PDS5A: variants seen among roughly 807,000 people sequenced by gnomAD.
The protein encoded by PDS5A is PDS5 cohesin associated factor A.
Under a neutral mutation model 167.1 loss-of-function variants are expected in PDS5A, and 42 were observed. The observed-to-expected ratio is 0.25, with a 90% CI of 0.20 to 0.33. The LOEUF (loss-of-function observed/expected upper bound fraction) is 0.33. PDS5A is among the 10% of genes least tolerant of loss of function. PDS5A has a pLI of 1.00. For missense variants in PDS5A, 1,033 were observed against 1,605.9 expected, an observed-to-expected ratio of 0.64 and a Z score of 6.10; for synonymous variants, 553 against 554.6, an observed-to-expected ratio of 1.00 and a Z score of 0.04.
intron 16 of PDS5A, among the ~76,000 whole-genome samples, chr4:39,895,611 G>A (rs909738649): frequency 3.3e-5 from 5 of 152,146 alleles, no homozygotes; most frequent in Admixed American, 6.5e-5. Flanking sequence ...TATAAACACT[G>A]TACACTTAGG....
intron 26 of PDS5A, among the ~76,000 whole-genome samples, chr4:39,860,629 CACAT>C (rs1456185498): frequency 5.3e-5 from 8 of 152,092 alleles, no homozygotes; most frequent in Admixed American, 6.5e-5. Flanking sequence ...AGGATATACA[CACAT>C]ACAATGAAAA....
At chr4:39,952,876 C>T (rs1042147162) in intron 2 of PDS5A, among the ~76,000 whole-genome samples, 2 of 151,970 alleles carry the variant, frequency 1.3e-5, no homozygotes, top group Non-Finnish European at 2.9e-5. Context: ...TTACAAGTGC[C>T]CACCACCATG....
chr4:39,953,502 G>C (rs887694795), intron 2 of PDS5A, among the ~76,000 whole-genome samples: 9 of 151,616 alleles, frequency 5.9e-5, no homozygotes, highest in Non-Finnish European at 7.4e-5. Flanking sequence ...AGGCTAAGAT[G>C]GGAGGATCGC....
At chr4:39,889,280 A>C (rs1185034508) in intron 17 of PDS5A, among the ~76,000 whole-genome samples, 3 of 152,218 alleles carry the variant, frequency 2.0e-5, no homozygotes, top group South Asian at 4.1e-4. Flanking sequence ...GGCTTCAGGA[A>C]AAAAATTAAA....
At chr4:39,845,391 T>C (rs1355623130) in intron 29 of PDS5A, among the ~76,000 whole-genome samples, 4 of 152,134 alleles carry the variant, frequency 2.6e-5, no homozygotes, top group African/African-American at 9.7e-5. Context: ...ATAAATAAAC[T>C]ATTGGATATA....
intron 32 of PDS5A, among the ~76,000 whole-genome samples, chr4:39,834,069 T>G (rs553123918): frequency 6.6e-6 from 1 of 152,090 alleles, no homozygotes; most frequent in African/African-American, 2.4e-5. Flanking sequence ...CAAAGCAATT[T>G]AGCTGGGCAC....
chr4:39,905,858 GA>G (rs35446555), intron 11 of PDS5A, among the ~76,000 whole-genome samples: 2 of 148,800 alleles, frequency 1.3e-5, no homozygotes, highest in South Asian at 2.1e-4. Context: ...AAGGAGGGAA[GA>G]AAAAAAGGAA....
chr4:39,924,241 G>A (rs560964815), intron 5 of PDS5A, among the ~76,000 whole-genome samples: 2 of 152,210 alleles, frequency 1.3e-5, no homozygotes, highest in East Asian at 3.9e-4. Context: ...TACAAACACA[G>A]GTGCAAATCC....
chr4:39,964,947 T>A (rs531999), intron 2 of PDS5A, among the ~76,000 whole-genome samples: 120,100 of 151,630 alleles, frequency 0.79, 48,097 homozygotes, highest in Middle Eastern at 0.93. Context: ...TCTCAAAAAA[T>A]AATAATAATA....
chr4:39,920,872 G>A (rs1298456391), intron 6 of PDS5A, among the ~76,000 whole-genome samples: 1 of 152,130 alleles, frequency 6.6e-6, no homozygotes, highest in East Asian at 1.9e-4. Flanking sequence ...TTGATCAATT[G>A]TATTTTTGAA....
Position 39,862,946 on chromosome 4 carries a change from C to A in PDS5A, c.2894G>T (p.Arg965Ile), listed in dbSNP as rs1719122032. 6.2e-7 allele frequency: 1 copy of A among 1,613,372 alleles called. No individual in the cohort carries two copies. Among genetic ancestry groups the A allele is most frequent in the Admixed American group, 1.7e-5 (1 of 59,992 alleles). ...LCAKDPVKER[R>I]AHARQCLLKN... The stretch of plus-strand genomic sequence containing the variant: ...CAGTAAACATTGTCGTGCGTGTGCT[C>A]TTCTCTCCTTCACAGGATCTTTGGC... The change falls in exon 25 of 33, where the codon AGA becomes ATA. Residue 965 changes from arginine to isoleucine, a missense_variant. Around this residue, in one of 4 missense-constraint regions of PDS5A, gnomAD observed 367 missense variants for 686.7 expected, o/e 0.53. Transcript: ENST00000303538.
chr4:39,891,784 T>C (rs967496434), intron 16 of PDS5A, among the ~76,000 whole-genome samples: 19 of 152,024 alleles, frequency 1.2e-4, no homozygotes, highest in Admixed American at 5.9e-4. Flanking sequence ...GACATACAGT[T>C]ATGGAAGGCT....
At chr4:39,856,213 C>CA (rs1250753936) in intron 26 of PDS5A, among the ~76,000 whole-genome samples, 3 of 151,826 alleles carry the variant, frequency 2.0e-5, no homozygotes, top group Non-Finnish European at 4.4e-5. Flanking sequence ...AAACAAAAAA[C>CA]AAAAAAACCC....
Position 39,854,025 on chromosome 4 carries a change from C to T in PDS5A, c.3087-4373G>A, listed in dbSNP as rs115915364. On this transcript the variant is annotated intron_variant, in intron 26 of 32. Coordinates refer to ENST00000303538, the MANE Select transcript of PDS5A (RefSeq NM_001100399.2). ...TTTGTAAAATGGGAACAACAGGATGCGTGCGGTGGCTCACGCCTGTAATCC... is the reference window on the plus strand; with the variant it reads ...TTTGTAAAATGGGAACAACAGGATGTGTGCGGTGGCTCACGCCTGTAATCC... Among the ~76,000 whole-genome samples the T allele has an allele frequency of 4.2e-3, 646 of 152,198 alleles. 4 individuals are homozygous for T. Among genetic ancestry groups the T allele is most frequent in the African/African-American group, 0.015 (623 of 41,528 alleles).
chr4:39,840,858 G>T lies in PDS5A; in HGVS notation c.3657+1090C>A, dbSNP rs28439476. ...CAACCTTCACCTCGAGGGTTCAAGT[G>T]ATTCTCCTGTCTCGACCTCTTGAGT... On this transcript the variant is annotated intron_variant, in intron 31 of 32. Coordinates refer to ENST00000303538, the MANE Select transcript of PDS5A (RefSeq NM_001100399.2). Among the ~76,000 whole-genome samples the T allele has an allele frequency of 9.8e-3, 1,488 of 151,912 alleles. 29 individuals carry two copies. The highest frequency in any genetic ancestry group is 0.034 in the African/African-American group (1,399 of 41,432).
chr4:39,902,614 G>A (rs1002157439), intron 12 of PDS5A, among the ~76,000 whole-genome samples, 154 bp from the exon 13 acceptor site: 3 of 150,388 alleles, frequency 2.0e-5, no homozygotes, highest in Admixed American at 6.7e-5. Flanking sequence ...CCTCTGTCTC[G>A]CAGGTTCAAG....
intron 2 of PDS5A, among the ~76,000 whole-genome samples, chr4:39,949,990 C>T (rs1728193511): frequency 6.6e-6 from 1 of 151,968 alleles, no homozygotes; most frequent in Admixed American, 6.6e-5. Flanking sequence ...ACCACAACCT[C>T]CACCTCCCGA....
At chr4:39,860,985 A>G (rs1201556100) in intron 26 of PDS5A, among the ~76,000 whole-genome samples, 5 of 151,732 alleles carry the variant, frequency 3.3e-5, no homozygotes, top group African/African-American at 1.2e-4. Flanking sequence ...AGATTGCTTT[A>G]GCCCAGGAGG....
intron 32 of PDS5A, among the ~76,000 whole-genome samples, chr4:39,831,074 A>G (rs1428417386): frequency 6.6e-6 from 1 of 152,200 alleles, no homozygotes; most frequent in African/African-American, 2.4e-5. Context: ...GGGAGAATGC[A>G]GTACTTAGCC....
Sources: allele counts gnomAD v4.1 joint callset (sites outside exome capture counted in the v4.1 genomes callset), GRCh38; gene constraint gnomAD v4.1.1; regional missense constraint gnomAD v4.1.1; transcripts MANE v1.5; gene names NCBI Gene and HGNC (gene_info 2026-07-23, HGNC 2026-07-21).